The following DCDC2C variants were observed in gnomAD, a reference collection of about 807,000 sequenced individuals.
The protein encoded by DCDC2C is doublecortin domain containing 2C.
A neutral mutation model predicts 45.0 loss-of-function variants in DCDC2C; 44 were observed. The ratio of observed to expected loss-of-function variants is 0.98; its 90% CI spans 0.77 to 1.26. DCDC2C has a LOEUF of 1.26. DCDC2C is among the 50% of genes most tolerant of loss of function. The pLI is 0.00. For missense variants in DCDC2C, 447 were observed against 468.9 expected, an observed-to-expected ratio of 0.95 and a Z score of 0.43; for synonymous variants, 187 against 178.8, an observed-to-expected ratio of 1.05 and a Z score of -0.37.
chr2:3,787,883 T>C (rs1227112128), intron 10 of DCDC2C, among the ~76,000 whole-genome samples: 3 of 152,246 alleles, frequency 2.0e-5, no homozygotes, highest in African/African-American at 7.2e-5. Context: ...ATTGAGGATA[T>C]TTTCAACATT....
chr2:3,823,795 A>G (rs1332144440), intron 10 of DCDC2C, among the ~76,000 whole-genome samples: 1 of 152,166 alleles, frequency 6.6e-6, no homozygotes, highest in Non-Finnish European at 1.5e-5. Flanking sequence ...CATCAAATTC[A>G]ACTGTAATTT....
intron 9 of DCDC2C, among the ~76,000 whole-genome samples, chr2:3,780,119 C>T (rs1383400276): frequency 6.6e-6 from 1 of 152,142 alleles, no homozygotes; most frequent in Non-Finnish European, 1.5e-5. Context: ...AGAGCAAAGA[C>T]AGTTTTTTAT....
At chr2:3,725,618 A>AGGGAGGAGGCTGC (rs1216494640) in intron 2 of DCDC2C, among the ~76,000 whole-genome samples, 5 of 146,232 alleles carry the variant, frequency 3.4e-5, no homozygotes, top group Non-Finnish European at 7.6e-5. Flanking sequence ...CTGGAGGGAG[A>AGGGAGGAGGCTGC]CCGCCAGAGT....
rs879640405 is a variant in DCDC2C, at chr2:3,818,772, G to A, written c.1066-28382G>A. ...GTGGATTAAGGTGGGGAGATACAAG[G>A]GGAGAATGTGAAGGAGGCTTTGAAC... On this transcript the variant is annotated intron_variant, in intron 10 of 10. Coordinates refer to ENST00000399143, the MANE Select transcript of DCDC2C (RefSeq NM_001287444.2). The surrounding 1 kb of genome is among the most constrained non-coding windows in gnomAD (Gnocchi z 4.7). 6.6e-6 allele frequency among the ~76,000 whole-genome samples: 1 copy of A among 152,068 alleles called. No individual in the cohort carries two copies. The highest frequency in any genetic ancestry group is 1.5e-5 in the Non-Finnish European group (1 of 68,008).
chr2:3,767,924 C>A, intron 7 of DCDC2C, 44 bp downstream of exon 7: 3 of 1,394,890 alleles, frequency 2.2e-6, no homozygotes, highest in East Asian at 2.9e-5. Context: ...CGAAACTTTA[C>A]CAGGCTGAGA....
At chr2:3,753,721 AC>A (rs1388849917) in intron 5 of DCDC2C, among the ~76,000 whole-genome samples, 3 of 152,130 alleles carry the variant, frequency 2.0e-5, no homozygotes, top group Non-Finnish European at 4.4e-5. Context: ...GCACATCAGC[AC>A]GAGTGCTTGA....
chr2:3,735,012 C>T lies in DCDC2C; in HGVS notation c.417-6908C>T, dbSNP rs375957987. Among the ~76,000 whole-genome samples the T allele has an allele frequency of 5.3e-5, 8 of 152,296 alleles. No individual in the cohort carries two copies. In the East Asian group the frequency reaches 1.2e-3, roughly 22 times the overall value. ...CCGCATCCCACAAGACCCCCACTTT[C>T]TCGCTCCCAATTGTTCGTTTGTTTC... On this transcript the variant is annotated intron_variant, in intron 3 of 10. Coordinates refer to ENST00000399143, the MANE Select transcript of DCDC2C (RefSeq NM_001287444.2).
intron 10 of DCDC2C, among the ~76,000 whole-genome samples, chr2:3,842,096 T>G (rs1391220643): frequency 1.3e-5 from 2 of 152,136 alleles, no homozygotes; most frequent in Non-Finnish European, 2.9e-5. Flanking sequence ...ATTAATCATT[T>G]TTTAAAAATA....
chr2:3,752,433 G>A (rs764971515), intron 4 of DCDC2C: 9 of 333,728 alleles, frequency 2.7e-5, no homozygotes, highest in Non-Finnish European at 4.6e-5. Flanking sequence ...TAACAATGTG[G>A]GCCAATTTGT....
At chr2:3,742,183 A>T (rs1669236110) in intron 4 of DCDC2C, 135 bp downstream of exon 4, 1 of 1,098,564 alleles carries the variant, frequency 9.1e-7, no homozygotes, top group South Asian at 2.2e-5. Context: ...CTTCAAGCAG[A>T]TAGTATTTTC....
chr2:3,751,821 G>T (rs1047874375), intron 4 of DCDC2C, among the ~76,000 whole-genome samples: 2 of 152,138 alleles, frequency 1.3e-5, no homozygotes, highest in African/African-American at 4.8e-5. Context: ...ACAGCTGCCC[G>T]CTCACTAGTG....
intron 10 of DCDC2C, among the ~76,000 whole-genome samples, chr2:3,826,827 A>T (rs1305822734): frequency 2.0e-5 from 3 of 152,040 alleles, no homozygotes; most frequent in Non-Finnish European, 4.4e-5. Flanking sequence ...GTCCTATGAG[A>T]TTACCTGATA....
At chr2:3,846,853 T>G (rs1214235820) in intron 10 of DCDC2C, among the ~76,000 whole-genome samples, 1 of 152,172 alleles carries the variant, frequency 6.6e-6, no homozygotes, top group Non-Finnish European at 1.5e-5. Flanking sequence ...GGCAGAGGAA[T>G]GTGAAGCGTT....
intron 10 of DCDC2C, among the ~76,000 whole-genome samples, chr2:3,805,185 C>T (rs1671208607): frequency 6.6e-6 from 1 of 152,192 alleles, no homozygotes; most frequent in South Asian, 2.1e-4. Flanking sequence ...GTGGAAGTTG[C>T]AGACAGTTAA....
intron 2 of DCDC2C, among the ~76,000 whole-genome samples, chr2:3,725,457 G>T (rs1186157747): frequency 2.9e-5 from 3 of 103,608 alleles, no homozygotes; most frequent in African/African-American, 9.5e-5. Context: ...CAGAGAGGGA[G>T]GAGGCTGCCC....
rs548099846 is a variant in DCDC2C, at chr2:3,712,813, T to C, written c.339+4213T>C. Among the ~76,000 whole-genome samples the C allele has an allele frequency of 5.9e-5, 9 of 152,280 alleles. No individual in the cohort carries two copies. In the East Asian group the frequency reaches 1.5e-3, roughly 26 times the overall value. On this transcript the variant is annotated intron_variant, in intron 2 of 10. Transcript: ENST00000399143. ...GGGCTGAGATGCCTGCACACCACAA[T>C]GTGCATTGGAGAGTCGTGTCAGTCC...
chr2:3,741,993 G>T lies in DCDC2C; in HGVS notation c.490G>T (p.Asp164Tyr), dbSNP rs1013656993. 3 of 1,548,308 alleles carry T rather than the reference G, an allele frequency of 1.9e-6. No individual in the cohort carries two copies. The African/African-American group carries it at 4.1e-5, about 21-fold the overall frequency. The change falls in exon 4 of 11, where the codon GAC (aspartate) becomes TAC (tyrosine). Residue 164 changes from aspartate to tyrosine, a missense_variant. Asp to Tyr is a radical substitution (Grantham distance 160). Coordinates refer to ENST00000399143, the MANE Select transcript of DCDC2C (RefSeq NM_001287444.2). ...IIPKFSLSDWDIVLATIGEKV... is the reference protein window; with the variant it reads ...IIPKFSLSDWYIVLATIGEKV... ...ACCCAAATTTAGTCTGTCCGATTGG[G>T]ACATCGTGCTGGCCACGATCGGAGA...
intron 3 of DCDC2C, among the ~76,000 whole-genome samples, chr2:3,728,793 G>A (rs1365943107): frequency 3.3e-5 from 5 of 152,240 alleles, no homozygotes; most frequent in Admixed American, 2.0e-4. Context: ...ACCCTTTCTG[G>A]TGAAGAGGAG....
chr2:3,743,949 A>G (rs1269860575), intron 4 of DCDC2C, among the ~76,000 whole-genome samples: 1 of 152,190 alleles, frequency 6.6e-6, no homozygotes, highest in East Asian at 1.9e-4. Context: ...GGAACCTGTA[A>G]TCCCAGCTAC....
Sources: gnomAD v4.1 joint callset for allele counts (sites outside exome capture counted in the v4.1 genomes callset) on GRCh38, gnomAD v4.1.1 for gene constraint, Gnocchi (gnomAD v3.1) non-coding constraint, MANE v1.5 for transcripts, NCBI Gene and HGNC (gene_info 2026-07-23, HGNC 2026-07-21) for gene names.